DEFB104B: variants seen among roughly 807,000 people sequenced by gnomAD.
The protein encoded by DEFB104B is defensin beta 104B.
intron 1 of DEFB104B, among the ~76,000 whole-genome samples, chr8:7,471,003 C>A (rs1294481273): frequency 6.7e-6 from 1 of 149,850 alleles, no homozygotes; most frequent in African/African-American, 2.5e-5. Context: ...TAAGTGAATT[C>A]TTTGAACTTT....
Sources: allele counts gnomAD v4.1 joint callset (sites outside exome capture counted in the v4.1 genomes callset), GRCh38; gene constraint gnomAD v4.1.1; transcripts MANE v1.5; gene names NCBI Gene and HGNC (gene_info 2026-07-23, HGNC 2026-07-21).